The following PTPN21 variants were observed in gnomAD, a reference collection of about 807,000 sequenced individuals.
PTPN21 encodes protein tyrosine phosphatase non-receptor type 21, also known as tyrosine-protein phosphatase non-receptor type 21.
PTPN21 carries 77 observed loss-of-function variants against 131.8 expected under a neutral mutation model. That is an observed-to-expected ratio of 0.58 (90% CI 0.49 to 0.71). The LOEUF (loss-of-function observed/expected upper bound fraction) is 0.71. PTPN21 is among the 30% of genes least tolerant of loss of function. The probability of loss-of-function intolerance (pLI) is 0.00; values close to 1 mark genes in which losing one functional copy is unlikely to be tolerated. For missense variants in PTPN21, 1,552 were observed against 1,527.1 expected (o/e 1.02, Z -0.27); for synonymous variants, 715 against 621.3 (o/e 1.15, Z -2.24).
chr14:88,505,680 T>G (rs1201624531), intron 4 of PTPN21, among the ~76,000 whole-genome samples: 3 of 152,192 alleles, frequency 2.0e-5, no homozygotes, highest in Non-Finnish European at 4.4e-5. Context: ...TGCTTGCTTA[T>G]GTACAGGAAA....
intron 1 of PTPN21, among the ~76,000 whole-genome samples, chr14:88,554,086 C>T (rs1056598853): frequency 6.6e-6 from 1 of 152,160 alleles, no homozygotes; most frequent in Non-Finnish European, 1.5e-5. Flanking sequence ...TCACTTGGAG[C>T]ACACGAATGT....
At position 88,469,397 on chromosome 14, in the gene PTPN21, A is replaced by T. The variant is rs2077418909; in HGVS notation, c.3235+102T>A. 9.5e-7 allele frequency: 1 copy of T among 1,054,498 alleles called. No individual in the cohort carries two copies. The highest frequency in any genetic ancestry group is 2.1e-5 in the Admixed American group (1 of 47,198). The allele number at this position is 1,054,498 out of a possible 1,614,324, so 65.3% of individuals were successfully genotyped here. A position where few individuals can be genotyped will look rare whatever the true frequency, so the allele number is the denominator to read the frequency against. ...TTATGTTAAAACAAGTCCGAAGCTTATATGAGATAACATAAAGGAAATATT... is the reference window on the plus strand; with the variant it reads ...TTATGTTAAAACAAGTCCGAAGCTTTTATGAGATAACATAAAGGAAATATT... On this transcript the variant is annotated intron_variant, in intron 17 of 18. Coordinates refer to ENST00000556564, the MANE Select transcript of PTPN21 (RefSeq NM_007039.4). This position sits in a 1 kb window ranked among gnomAD's most constrained non-coding sequence, Gnocchi z 4.3.
Position 88,466,089 on chromosome 14 carries a change from A to T in PTPN21, c.*2048T>A, listed in dbSNP as rs1454812068. ...ACCATGGAGAGGGAGGGGGAGGGGA[A>T]GAAGCACTTTTTCTAGAGATGGAAA... On this transcript the variant is annotated 3_prime_UTR_variant, in exon 19 of 19. Coordinates refer to ENST00000556564, the MANE Select transcript of PTPN21 (RefSeq NM_007039.4). The T allele has an allele frequency of 6.6e-6, 1 of 152,138 alleles. No homozygotes were observed. Among genetic ancestry groups the T allele is most frequent in the Non-Finnish European group, 1.5e-5 (1 of 68,024 alleles). The allele number at this position is 152,138 out of a possible 1,614,324, so 9.4% of individuals were successfully genotyped here.
In PTPN21 at chr14:88,487,739, TTAAAAAA is replaced by T. The variant is rs571783536; in HGVS notation, c.933-1904_933-1898del. Among the ~76,000 whole-genome samples the T allele has an allele frequency of 4.2e-3, 633 of 152,080 alleles. 1 individual carries two copies. Among genetic ancestry groups the T allele is most frequent in the Non-Finnish European group, 5.5e-3 (374 of 68,000 alleles). On this transcript the variant is annotated intron_variant, in intron 10 of 18. Transcript: ENST00000556564. ...CAAGTCTGCATGGCGTGTCTGGGTT[TTAAAAAA>T]TAAAAAATAAAAAATAAAAAATACT...
intron 12 of PTPN21, among the ~76,000 whole-genome samples, chr14:88,483,142 G>A (rs1391641369): frequency 1.3e-5 from 2 of 151,150 alleles, no homozygotes; most frequent in Non-Finnish European, 1.5e-5. Context: ...AACCCAGGAG[G>A]CAGGGCTTGC....
chr14:88,476,703 G>A (rs1349576668), intron 13 of PTPN21, among the ~76,000 whole-genome samples: 2 of 152,136 alleles, frequency 1.3e-5, no homozygotes, highest in African/African-American at 4.8e-5. Flanking sequence ...CAAATGGCAG[G>A]CTCTAGACTC....
At chr14:88,509,288 C>T (rs750528860) in intron 3 of PTPN21, among the ~76,000 whole-genome samples, 3 of 152,184 alleles carry the variant, frequency 2.0e-5, no homozygotes, top group Non-Finnish European at 2.9e-5. Flanking sequence ...TCTGCCAGTG[C>T]AGTCTATGGA....
intron 3 of PTPN21, 83 bp downstream of exon 3, chr14:88,517,009 T>C (rs1405343281): frequency 1.3e-6 from 2 of 1,497,420 alleles, no homozygotes; most frequent in Non-Finnish European, 1.8e-6. Flanking sequence ...AGTTTCAAAC[T>C]TATCTTCTGA....
intron 2 of PTPN21, chr14:88,547,624 G>C (rs1201394242): frequency 4.4e-6 from 2 of 455,100 alleles, no homozygotes; most frequent in African/African-American, 2.0e-5. Flanking sequence ...CTGTACTCCA[G>C]CCTGGGTGAT....
intron 13 of PTPN21, among the ~76,000 whole-genome samples, chr14:88,475,296 GA>G (rs999679325): frequency 6.6e-6 from 1 of 152,060 alleles, no homozygotes; most frequent in African/African-American, 2.4e-5. Context: ...GGTGAGAGAG[GA>G]AAAAAATCCT....
In PTPN21 at chr14:88,469,692, A is replaced by G. The variant is rs1691148183; in HGVS notation, c.3042T>C (p.Leu1014=). ...REKSFRYWPR[L]GSRHNTVTYG... ...AGGTGACAGTGTTGTGCCTGGAACC[A>G]AGTCGTGGCCAGTACCTAAAGCTCT... The change falls in exon 17 of 19, where the codon CTT becomes CTC. Residue 1014 remains leucine, a synonymous_variant. Transcript: ENST00000556564. The surrounding 1 kb of genome is among the most constrained non-coding windows in gnomAD (Gnocchi z 4.3). 2 of 1,614,168 alleles carry G rather than the reference A, an allele frequency of 1.2e-6. No individual in the cohort carries two copies. The highest frequency in any genetic ancestry group is 3.3e-5 in the Admixed American group (2 of 60,024).
intron 15 of PTPN21, among the ~76,000 whole-genome samples, chr14:88,471,730 G>GT (rs995335968): frequency 2.0e-5 from 3 of 152,176 alleles, no homozygotes; most frequent in Non-Finnish European, 4.4e-5. Flanking sequence ...ATGCATGTCA[G>GT]TATGTGATGA....
chr14:88,536,831 G>A (rs1288832648), intron 2 of PTPN21, among the ~76,000 whole-genome samples: 1 of 152,202 alleles, frequency 6.6e-6, no homozygotes, highest in East Asian at 1.9e-4. Flanking sequence ...CATCAGGAAA[G>A]AGATGACAGA....
At chr14:88,514,293 C>G (rs550470229) in intron 3 of PTPN21, among the ~76,000 whole-genome samples, 1 of 152,210 alleles carries the variant, frequency 6.6e-6, no homozygotes, top group Non-Finnish European at 1.5e-5. Context: ...CCAAGCTTTT[C>G]TAATTCAGAT....
At chr14:88,498,067 C>T (rs1203667045) in intron 8 of PTPN21, among the ~76,000 whole-genome samples, 1 of 149,146 alleles carries the variant, frequency 6.7e-6, no homozygotes, top group East Asian at 2.0e-4. Flanking sequence ...CACCATTGCA[C>T]TCCAGCGTGG....
chr14:88,521,322 G>C (rs1393626606), intron 2 of PTPN21, among the ~76,000 whole-genome samples: 4 of 151,958 alleles, frequency 2.6e-5, no homozygotes, highest in African/African-American at 9.7e-5. Context: ...CACAAGTTTT[G>C]GACTGAATGT....
intron 3 of PTPN21, among the ~76,000 whole-genome samples, chr14:88,510,136 T>C (rs1265676774): frequency 6.6e-6 from 1 of 152,214 alleles, no homozygotes; most frequent in Non-Finnish European, 1.5e-5. Flanking sequence ...GTTATGAGAA[T>C]TGACTCTTCC....
intron 18 of PTPN21, 129 bp downstream of exon 18, chr14:88,468,787 A>AT (rs2077405553): frequency 8.9e-7 from 1 of 1,121,452 alleles, no homozygotes. Context: ...TGCAGGGAAC[A>AT]TTAGTAACAT....
chr14:88,527,640 G>A (rs1054056543), intron 2 of PTPN21, among the ~76,000 whole-genome samples: 1 of 152,140 alleles, frequency 6.6e-6, no homozygotes, highest in African/African-American at 2.4e-5. Context: ...TTCTTTTGCT[G>A]TGCAGAAGCC....
Sources: gnomAD v4.1 joint callset for allele counts (sites outside exome capture counted in the v4.1 genomes callset) on GRCh38, gnomAD v4.1.1 for gene constraint, Gnocchi (gnomAD v3.1) non-coding constraint, MANE v1.5 for transcripts, NCBI Gene and HGNC (gene_info 2026-07-23, HGNC 2026-07-21) for gene names.